The following COL4A1 variants were observed in gnomAD, a reference collection of about 807,000 sequenced individuals.
COL4A1 encodes collagen alpha-1(IV) chain.
A neutral mutation model predicts 216.6 loss-of-function variants in COL4A1; 40 were observed. The ratio of observed to expected loss-of-function variants is 0.18; its 90% CI spans 0.14 to 0.24. The LOEUF (loss-of-function observed/expected upper bound fraction) is 0.24. COL4A1 is among the 10% of genes least tolerant of loss of function. COL4A1 has a pLI of 1.00. For synonymous variants in COL4A1, 839 were observed against 810.7 expected, an observed-to-expected ratio of 1.03 and a Z score of -0.59; for missense variants, 1,628 against 2,196.8, an observed-to-expected ratio of 0.74 and a Z score of 5.18.
chr13:110,243,025 C>A (rs1457118972), intron 1 of COL4A1, among the ~76,000 whole-genome samples: 3 of 152,232 alleles, frequency 2.0e-5, no homozygotes, highest in African/African-American at 7.2e-5. Flanking sequence ...TTGTTAATTT[C>A]TATTTGAAGT....
At chr13:110,185,224 C>T (rs1878346252) in intron 26 of COL4A1, among the ~76,000 whole-genome samples, 1 of 152,108 alleles carries the variant, frequency 6.6e-6, no homozygotes, top group Admixed American at 6.5e-5. Flanking sequence ...TGGCTCTCTA[C>T]AACCTCTGCC....
At chr13:110,196,690 C>A (rs1331218892) in intron 21 of COL4A1, among the ~76,000 whole-genome samples, 1 of 152,114 alleles carries the variant, frequency 6.6e-6, no homozygotes, top group Non-Finnish European at 1.5e-5. Context: ...TTCTAAAGTG[C>A]AAATCTAGAG....
chr13:110,228,884 G>A (rs551554521), intron 2 of COL4A1, among the ~76,000 whole-genome samples: 28 of 152,262 alleles, frequency 1.8e-4, no homozygotes, highest in Admixed American at 3.3e-4. Context: ...ATTGATTAGC[G>A]AATGGAAAAA....
chr13:110,192,651 C>A (rs1428532530), intron 23 of COL4A1, among the ~76,000 whole-genome samples, 179 bp downstream of exon 23: 1 of 152,168 alleles, frequency 6.6e-6, no homozygotes, highest in Non-Finnish European at 1.5e-5. Flanking sequence ...ATGAGGCCAT[C>A]TTGATCATTC....
chr13:110,296,289 T>C (rs566029069), intron 1 of COL4A1, among the ~76,000 whole-genome samples: 1 of 152,352 alleles, frequency 6.6e-6, no homozygotes, highest in South Asian at 2.1e-4. Context: ...TGGAATACAT[T>C]AGGGATAGAA....
chr13:110,209,851 A>G (rs1485470122), intron 10 of COL4A1, 129 bp downstream of exon 10: 10 of 1,161,536 alleles, frequency 8.6e-6, no homozygotes, highest in Non-Finnish European at 1.3e-5. Flanking sequence ...AGGGAAGCTG[A>G]TTCCGCCATG....
chr13:110,254,581 A>G (rs1325052454), intron 1 of COL4A1, among the ~76,000 whole-genome samples: 2 of 152,208 alleles, frequency 1.3e-5, no homozygotes, highest in Admixed American at 6.5e-5. Flanking sequence ...CATGACGGAC[A>G]TGCAACTCAA....
At chr13:110,256,669 G>A (rs545465214) in intron 1 of COL4A1, among the ~76,000 whole-genome samples, 3 of 152,300 alleles carry the variant, frequency 2.0e-5, no homozygotes, top group South Asian at 2.1e-4. Flanking sequence ...CTGGAAATGC[G>A]GAGGTCGGCC....
chr13:110,205,442 C>T, intron 16 of COL4A1, 36 bp from the exon 17 acceptor site: 3 of 1,612,168 alleles, frequency 1.9e-6, no homozygotes, highest in East Asian at 2.2e-5. Flanking sequence ...CCGTCAGAGG[C>T]CAGTGGTAGG....
At chr13:110,154,575 T>C (rs1249748850) in intron 50 of COL4A1, among the ~76,000 whole-genome samples, 1 of 152,244 alleles carries the variant, frequency 6.6e-6, no homozygotes, top group Non-Finnish European at 1.5e-5. Context: ...CTCCACTCCA[T>C]GTAAAGAGGC....
At chr13:110,222,771 T>TAAAAAAAAAAAAAAAAAAAA (rs751501177) in intron 2 of COL4A1, among the ~76,000 whole-genome samples, 8 of 93,412 alleles carry the variant, frequency 8.6e-5, no homozygotes, top group East Asian at 3.4e-4. Context: ...AGACTCTGCT[T>TAAAAAAAAAAAAAAAAAAAA]TAAAAAAAAA....
intron 2 of COL4A1, among the ~76,000 whole-genome samples, chr13:110,224,019 A>T (rs944922650): frequency 6.6e-6 from 1 of 152,188 alleles, no homozygotes; most frequent in Non-Finnish European, 1.5e-5. Context: ...ATTAAAAAAA[A>T]TATATATGGA....
chr13:110,219,130 C>T (rs1265158734), intron 2 of COL4A1, among the ~76,000 whole-genome samples: 1 of 152,134 alleles, frequency 6.6e-6, no homozygotes, highest in Non-Finnish European at 1.5e-5. Context: ...GCCGGGAGCT[C>T]CCTCCACACC....
At chr13:110,238,753 G>A (rs1320909790) in intron 2 of COL4A1, among the ~76,000 whole-genome samples, 1 of 152,194 alleles carries the variant, frequency 6.6e-6, no homozygotes, top group African/African-American at 2.4e-5. Flanking sequence ...TCCCAGGTTA[G>A]ATTATTTGAA....
rs76880180 is a variant in COL4A1, at chr13:110,282,598, T to C, written c.84+24346A>G. On this transcript the variant is annotated intron_variant, in intron 1 of 51. Coordinates refer to ENST00000375820, the MANE Select transcript of COL4A1 (RefSeq NM_001845.6). ...CAGGAGCTCTGAATTGGGGAGAATT[T>C]TGAGGCCCTGCCAAGGTCATTGAGA... Among the ~76,000 whole-genome samples, 1,041 of 152,314 alleles carry C rather than the reference T, an allele frequency of 6.8e-3. 16 individuals are homozygous for C. The highest frequency in any genetic ancestry group is 0.023 in the African/African-American group (976 of 41,564).
intron 1 of COL4A1, among the ~76,000 whole-genome samples, chr13:110,301,989 G>A (rs1474315828): frequency 6.6e-6 from 1 of 152,178 alleles, no homozygotes; most frequent in Non-Finnish European, 1.5e-5. Flanking sequence ...ACAGCCTGAG[G>A]AATGGGCTGG....
At position 110,194,886 on chromosome 13, in the gene COL4A1, G is replaced by T. The variant is rs115494629; in HGVS notation, c.1381+137C>A. ...AAGATGCTTATTCTAGGAAGAGATTGTGAAGAGGGTTCCAAATAAAAGGAA... is the reference window on the plus strand; with the variant it reads ...AAGATGCTTATTCTAGGAAGAGATTTTGAAGAGGGTTCCAAATAAAAGGAA... On this transcript the variant is annotated intron_variant, in intron 22 of 51. Transcript: ENST00000375820. 2.1e-3 allele frequency: 1,538 copies of T among 729,804 alleles called. 16 individuals are homozygous for T. The African/African-American group carries it at 0.022, about 11-fold the overall frequency. The allele number at this position is 729,804 out of a possible 1,614,324, so 45.2% of individuals were successfully genotyped here. A position where few individuals can be genotyped will look rare whatever the true frequency, so the allele number is the denominator to read the frequency against.
intron 49 of COL4A1, 59 bp downstream of exon 49, chr13:110,161,133 C>T: frequency 6.5e-7 from 1 of 1,547,346 alleles, no homozygotes. Flanking sequence ...ATATGCTTGT[C>T]CAGACTAGAG....
chr13:110,210,288 T>C lies in COL4A1; in HGVS notation c.469-76A>G, dbSNP rs748741839. 1.1e-4 allele frequency: 157 copies of C among 1,381,012 alleles called. 1 individual carries two copies. Among genetic ancestry groups the C allele is most frequent in the Non-Finnish European group, 1.5e-4 (146 of 980,662 alleles). The allele number at this position is 1,381,012 out of a possible 1,614,324, so 85.5% of individuals were successfully genotyped here. A position where few individuals can be genotyped will look rare whatever the true frequency, so the allele number is the denominator to read the frequency against. On this transcript the variant is annotated intron_variant, in intron 8 of 51. Coordinates refer to ENST00000375820, the MANE Select transcript of COL4A1 (RefSeq NM_001845.6). Reference sequence around the variant, plus strand: ...AAAGAAGCTGAAAACTCTTTGATAGTTGGCATATATTAGTGTTACAGGACT... The same window carrying C: ...AAAGAAGCTGAAAACTCTTTGATAGCTGGCATATATTAGTGTTACAGGACT...
Sources: allele counts gnomAD v4.1 joint callset (sites outside exome capture counted in the v4.1 genomes callset), GRCh38; gene constraint gnomAD v4.1.1; transcripts MANE v1.5; gene names NCBI Gene and HGNC (gene_info 2026-07-23, HGNC 2026-07-21).